The following DNAH7 variants were observed in gnomAD, a reference collection of about 807,000 sequenced individuals.
DNAH7 encodes the protein axonemal beta dynein heavy chain 7.
In DNAH7, 397 loss-of-function variants were observed where a neutral mutation model predicts 444.6. That is an observed-to-expected ratio of 0.89 (90% CI 0.82 to 0.97). The LOEUF is 0.97. Among genes scored for constraint, DNAH7 ranks in the 50% least tolerant of loss-of-function variants. DNAH7 has a pLI of 0.00. For missense variants in DNAH7, 4,902 were observed against 4,800.8 expected, an observed-to-expected ratio of 1.02 and a Z score of -0.62; for synonymous variants, 1,636 against 1,624.4, an observed-to-expected ratio of 1.01 and a Z score of -0.17.
At chr2:195,869,684 A>C (rs577125001) in intron 40 of DNAH7, among the ~76,000 whole-genome samples, 1 of 152,236 alleles carries the variant, frequency 6.6e-6, no homozygotes, top group East Asian at 1.9e-4. Context: ...GCAGAAGAGA[A>C]TAGCCAGGAG....
chr2:195,824,104 T>A, intron 49 of DNAH7, 151 bp downstream of exon 49: 1 of 644,942 alleles, frequency 1.6e-6, no homozygotes, highest in Non-Finnish European at 2.4e-6. Context: ...AATGCAACAT[T>A]TGGAAATTAT....
At chr2:195,767,281 C>G (rs1694632554) in intron 61 of DNAH7, among the ~76,000 whole-genome samples, 1 of 151,984 alleles carries the variant, frequency 6.6e-6, no homozygotes, top group Non-Finnish European at 1.5e-5. Flanking sequence ...CCTCTCTGAT[C>G]AGAGAATATA....
intron 63 of DNAH7, among the ~76,000 whole-genome samples, chr2:195,749,642 C>T (rs1364154407): frequency 2.6e-5 from 4 of 151,172 alleles, no homozygotes; most frequent in African/African-American, 9.7e-5. Flanking sequence ...CCATGGAATA[C>T]TATGCAGCCA....
At chr2:195,748,543 A>T (rs1353811813) in intron 63 of DNAH7, among the ~76,000 whole-genome samples, 1 of 152,236 alleles carries the variant, frequency 6.6e-6, no homozygotes, top group Admixed American at 6.5e-5. Context: ...TCCTAAGCCA[A>T]AAGAACAAAG....
At chr2:195,896,777 T>C (rs1385670330) in intron 29 of DNAH7, among the ~76,000 whole-genome samples, 1 of 152,216 alleles carries the variant, frequency 6.6e-6, no homozygotes, top group Non-Finnish European at 1.5e-5. Context: ...TCTTTCCTTG[T>C]TGATTTGCTC....
intron 28 of DNAH7, 112 bp downstream of exon 28, chr2:195,900,169 AT>A (rs142652953): frequency 3.4e-6 from 4 of 1,183,204 alleles, no homozygotes; most frequent in East Asian, 2.4e-5. Context: ...TTAATAATTG[AT>A]TTTTTTCAAT....
At chr2:195,761,663 T>C (rs1574390645) in intron 61 of DNAH7, among the ~76,000 whole-genome samples, 1 of 152,136 alleles carries the variant, frequency 6.6e-6, no homozygotes, top group South Asian at 2.1e-4. Flanking sequence ...TTACAGGCCA[T>C]GAGAAAGTGG....
At chr2:195,856,771 C>T (rs757786551) in intron 44 of DNAH7, among the ~76,000 whole-genome samples, 1 of 152,312 alleles carries the variant, frequency 6.6e-6, no homozygotes, top group African/African-American at 2.4e-5. Flanking sequence ...ACACTTGCCC[C>T]TTTGGGGAGC....
intron 24 of DNAH7, among the ~76,000 whole-genome samples, chr2:195,913,775 C>T (rs1184111858): frequency 6.6e-6 from 1 of 152,152 alleles, no homozygotes; most frequent in Non-Finnish European, 1.5e-5. Flanking sequence ...AGTGCAGTGG[C>T]GCAATCTCGG....
At chr2:196,003,792 A>T (rs1208761413) in intron 10 of DNAH7, among the ~76,000 whole-genome samples, 1 of 152,210 alleles carries the variant, frequency 6.6e-6, no homozygotes, top group Non-Finnish European at 1.5e-5. Flanking sequence ...TTAACCTCTA[A>T]TTCAATCTTT....
intron 61 of DNAH7, among the ~76,000 whole-genome samples, chr2:195,770,534 T>C (rs1419876423): frequency 6.6e-6 from 1 of 152,044 alleles, no homozygotes; most frequent in Non-Finnish European, 1.5e-5. Context: ...TGTTATACCC[T>C]CTGCCTGAAA....
chr2:196,003,650 T>G (rs545818000), intron 10 of DNAH7, among the ~76,000 whole-genome samples: 7 of 152,076 alleles, frequency 4.6e-5, no homozygotes, highest in Non-Finnish European at 8.8e-5. Flanking sequence ...GAAAGAAGGG[T>G]CATTTAGGCT....
intron 24 of DNAH7, among the ~76,000 whole-genome samples, chr2:195,919,891 T>C (rs1005082249): frequency 2.6e-5 from 4 of 152,110 alleles, no homozygotes; most frequent in African/African-American, 9.7e-5. Context: ...AATGTAAGTA[T>C]CTATGAGATA....
chr2:195,858,584 C>T lies in DNAH7; in HGVS notation c.7957G>A (p.Glu2653Lys). 1 of 1,613,986 alleles carries T rather than the reference C, an allele frequency of 6.2e-7. No individual in the cohort carries two copies. Among genetic ancestry groups the T allele is most frequent in the East Asian group, 2.2e-5 (1 of 44,870 alleles). Residue 2653 changes from glutamate (E) to lysine (K), a missense_variant, in exon 43 of 65, where the codon GAA (glutamate) becomes AAA (lysine). Transcript: ENST00000312428. The part of the protein sequence containing the change: ...IVKADETIAN[E>K]QAMASKAIKD... ...ATGGCTTTGGAAGCCATAGCTTGTT[C>T]ATTCGCTATTGTTTCATCAGCTTTC...
intron 29 of DNAH7, among the ~76,000 whole-genome samples, chr2:195,896,761 C>A (rs1702342518): frequency 6.6e-6 from 1 of 152,152 alleles, no homozygotes; most frequent in Non-Finnish European, 1.5e-5. Context: ...AGGAGAAAAT[C>A]TGAACTCTTT....
In DNAH7 at chr2:195,882,059, C is replaced by A. The variant is rs1349375998; in HGVS notation, c.5764-67G>T. 2.9e-6 allele frequency: 4 copies of A among 1,358,608 alleles called. No homozygotes were observed. The South Asian group carries it at 5.3e-5, about 18-fold the overall frequency. The allele number at this position is 1,358,608 out of a possible 1,614,324, so 84.2% of individuals were successfully genotyped here. A position where few individuals can be genotyped will look rare whatever the true frequency, so the allele number is the denominator to read the frequency against. On this transcript the variant is annotated intron_variant, in intron 35 of 64. Coordinates refer to ENST00000312428, the MANE Select transcript of DNAH7 (RefSeq NM_018897.3). The stretch of plus-strand genomic sequence containing the variant: ...CTTTAAAAAGCTCTATACTCCTGTG[C>A]CATTGTAGAAAAGACTAAGACCAAC...
chr2:195,909,229 G>A lies in DNAH7; in HGVS notation c.4104+798C>T, dbSNP rs1482371185. 5.3e-5 allele frequency among the ~76,000 whole-genome samples: 8 copies of A among 151,938 alleles called. No individual in the cohort carries two copies. In the South Asian group the frequency reaches 6.2e-4, roughly 12 times the overall value. ...TAACAAACCTGCACCTGTACCCCTG[G>A]AACCTAAAATAAAAATTGGAAATAA... On this transcript the variant is annotated intron_variant, in intron 25 of 64. Transcript: ENST00000312428.
chr2:195,961,866 G>A (rs1411374866), intron 17 of DNAH7, among the ~76,000 whole-genome samples: 2 of 151,834 alleles, frequency 1.3e-5, no homozygotes, highest in African/African-American at 4.8e-5. Flanking sequence ...CAGCTCAGGA[G>A]AAAATATATA....
At chr2:195,856,258 T>A (rs1699696614) in intron 44 of DNAH7, among the ~76,000 whole-genome samples, 1 of 151,792 alleles carries the variant, frequency 6.6e-6, no homozygotes, top group Non-Finnish European at 1.5e-5. Context: ...AAAAGGAGAG[T>A]AGGATAGTCA....
Sources: allele counts gnomAD v4.1 joint callset (sites outside exome capture counted in the v4.1 genomes callset), GRCh38; gene constraint gnomAD v4.1.1; transcripts MANE v1.5; gene names NCBI Gene and HGNC (gene_info 2026-07-23, HGNC 2026-07-21).